The following ZPBP variants were observed in gnomAD, a reference collection of about 807,000 sequenced individuals.
ZPBP encodes zona pellucida binding protein.
Under a neutral mutation model 44.8 loss-of-function variants are expected in ZPBP, and 26 were observed. The observed-to-expected ratio is 0.58, with a 90% confidence interval of 0.43 to 0.81. The LOEUF is 0.81. Among genes scored for constraint, ZPBP ranks in the 30% least tolerant of loss-of-function variants. The pLI is 0.00. For missense variants in ZPBP, 409 were observed against 434.0 expected (o/e 0.94, Z 0.51); for synonymous variants, 174 against 153.2 (o/e 1.14, Z -1.00).
intron 7 of ZPBP, among the ~76,000 whole-genome samples, chr7:49,941,102 T>C (rs1169076578): frequency 3.3e-5 from 5 of 152,098 alleles, no homozygotes; most frequent in South Asian, 2.1e-4. Flanking sequence ...CAATGAGATA[T>C]CAGCTCACAA....
intron 4 of ZPBP, among the ~76,000 whole-genome samples, chr7:50,045,923 A>G (rs1036827151): frequency 6.6e-6 from 1 of 152,202 alleles, no homozygotes; most frequent in African/African-American, 2.4e-5. Flanking sequence ...TAACCAAAAC[A>G]GCATGGTACT....
At chr7:49,857,171 AACAACTTTCT>A (rs1434470696) in intron 2 of ZPBP, among the ~76,000 whole-genome samples, 2 of 152,102 alleles carry the variant, frequency 1.3e-5, no homozygotes, top group African/African-American at 2.4e-5. Context: ...ATACCCATTC[AACAACTTTCT>A]ACTTACCCCT....
intron 2 of ZPBP, among the ~76,000 whole-genome samples, chr7:49,892,693 G>A (rs1351808979): frequency 1.3e-5 from 2 of 152,204 alleles, no homozygotes; most frequent in Admixed American, 1.3e-4. Flanking sequence ...GCTTGTGCAA[G>A]CCCCAGGGAT....
chr7:50,070,818 T>C (rs1801797669), intron 3 of ZPBP, among the ~76,000 whole-genome samples: 2 of 152,152 alleles, frequency 1.3e-5, no homozygotes, highest in Admixed American at 1.3e-4. Context: ...TATTATATTG[T>C]TTTTTACTTT....
intron 7 of ZPBP, among the ~76,000 whole-genome samples, chr7:49,976,799 C>G (rs1562814051): frequency 6.6e-6 from 1 of 152,058 alleles, no homozygotes; most frequent in African/African-American, 2.4e-5. Context: ...ACATGGACTG[C>G]TTTTACTGAA....
intron 6 of ZPBP, among the ~76,000 whole-genome samples, chr7:49,989,083 T>G (rs954319434): frequency 3.9e-5 from 6 of 152,224 alleles, no homozygotes; most frequent in African/African-American, 1.2e-4. Context: ...TATAGTTGTT[T>G]GCATCAGTAC....
intron 2 of ZPBP, among the ~76,000 whole-genome samples, chr7:49,879,326 C>T (rs1471118174): frequency 6.6e-6 from 1 of 152,060 alleles, no homozygotes; most frequent in Non-Finnish European, 1.5e-5. Context: ...CTTGTCTGAT[C>T]TCATGTGTTT....
chr7:49,979,231 A>G (rs2128775779), intron 7 of ZPBP, among the ~76,000 whole-genome samples: 1 of 152,052 alleles, frequency 6.6e-6, no homozygotes, highest in African/African-American at 2.4e-5. Context: ...TCACAATTAC[A>G]TTGAACCCTT....
intron 4 of ZPBP, among the ~76,000 whole-genome samples, chr7:50,053,901 G>T (rs1001008479): frequency 6.6e-6 from 1 of 151,404 alleles, no homozygotes; most frequent in Non-Finnish European, 1.5e-5. Flanking sequence ...CTTCTTTTTT[G>T]CTGTCTAAGG....
At position 49,948,388 on chromosome 7, in the gene ZPBP, A is replaced by C. The variant is rs555815716; in HGVS notation, c.962-10766T>G. The stretch of plus-strand genomic sequence containing the variant: ...GAAATAAAGATTGGGTTCTATAAAA[A>C]TAAAACCTTTTGTGTATCAAAGGAC... On this transcript the variant is annotated intron_variant, in intron 7 of 7. Coordinates refer to ENST00000046087, the MANE Select transcript of ZPBP (RefSeq NM_007009.3). 3.3e-5 allele frequency among the ~76,000 whole-genome samples: 5 copies of C among 152,364 alleles called. No individual in the cohort carries two copies. The East Asian group carries it at 9.6e-4, about 29-fold the overall frequency.
intron 7 of ZPBP, among the ~76,000 whole-genome samples, chr7:49,969,077 A>C (rs960517900): frequency 6.6e-6 from 1 of 151,394 alleles, no homozygotes; most frequent in Admixed American, 6.6e-5. Context: ...TGGAAAAATT[A>C]CTGTAATAGT....
downstream of ZPBP, among the ~76,000 whole-genome samples, chr7:49,850,168 C>T (rs1196499534): frequency 1.3e-5 from 2 of 152,228 alleles, no homozygotes; most frequent in African/African-American, 4.8e-5. Flanking sequence ...TTCAGGAAGA[C>T]TGAGCATAGT....
rs1441057765 is a variant in ZPBP, at chr7:49,877,499, T to A, written n.509+23619A>T. ...AAAAAAAAATATATATATATATATA[T>A]ATATATATATATATATATAGTTATT... is the stretch of plus-strand genomic sequence containing the variant. On this transcript the variant is annotated intron_variant and non_coding_transcript_variant, in intron 2 of 2. Coordinates refer to the ZPBP transcript ENST00000465922. Among the ~76,000 whole-genome samples the A allele has an allele frequency of 1.0e-3, 89 of 87,888 alleles. 13 individuals are homozygous for A. Among genetic ancestry groups the A allele is most frequent in the Middle Eastern group, 5.6e-3 (1 of 180 alleles). 57.7% of individuals were successfully genotyped at this position (87,888 alleles called of 152,430 possible). A position where few individuals can be genotyped will look rare whatever the true frequency, so the allele number is the denominator to read the frequency against.
At chr7:49,960,263 T>C (rs1449959644) in intron 7 of ZPBP, among the ~76,000 whole-genome samples, 1 of 151,720 alleles carries the variant, frequency 6.6e-6, no homozygotes, top group African/African-American at 2.4e-5. Flanking sequence ...CTACTAAAAA[T>C]ACAAAAAAAT....
intron 6 of ZPBP, among the ~76,000 whole-genome samples, chr7:50,016,418 G>A (rs985182949): frequency 6.6e-6 from 1 of 151,996 alleles, no homozygotes; most frequent in African/African-American, 2.4e-5. Flanking sequence ...GAGGGTGGAA[G>A]GTGAGGGTTG....
chr7:50,070,569 C>T (rs1009187345), intron 3 of ZPBP, among the ~76,000 whole-genome samples: 10 of 152,316 alleles, frequency 6.6e-5, no homozygotes, highest in Middle Eastern at 3.4e-3. Flanking sequence ...TCTTCAACCC[C>T]GGACAAGCCC....
chr7:50,089,557 T>C (rs1247510189), intron 2 of ZPBP, 72 bp downstream of exon 2: 2 of 1,144,908 alleles, frequency 1.7e-6, no homozygotes, highest in South Asian at 1.3e-5. Flanking sequence ...CATTAGCCTT[T>C]TGGAGAAGAC....
chr7:50,049,543 A>G (rs1800578207), intron 4 of ZPBP, among the ~76,000 whole-genome samples: 1 of 152,060 alleles, frequency 6.6e-6, no homozygotes, highest in Non-Finnish European at 1.5e-5. Flanking sequence ...ATAGTAATGA[A>G]GTACGAAATA....
At chr7:49,900,079 C>T (rs1278906218) in intron 2 of ZPBP, among the ~76,000 whole-genome samples, 2 of 151,056 alleles carry the variant, frequency 1.3e-5, no homozygotes, top group African/African-American at 4.9e-5. Flanking sequence ...ACACATGGAG[C>T]CTAGAAGTCT....
Sources: gnomAD v4.1 joint callset for allele counts (sites outside exome capture counted in the v4.1 genomes callset) on GRCh38, gnomAD v4.1.1 for gene constraint, MANE v1.5 for transcripts, NCBI Gene and HGNC (gene_info 2026-07-23, HGNC 2026-07-21) for gene names.